RCBTB2: variants seen among roughly 807,000 people sequenced by gnomAD.
RCBTB2 encodes RCC1 and BTB domain containing protein 2.
Under a neutral mutation model 65.4 loss-of-function variants are expected in RCBTB2, and 55 were observed. That is an observed-to-expected ratio of 0.84 (90% confidence interval 0.68 to 1.05). The LOEUF is 1.05. Ranked by LOEUF, RCBTB2 falls within the 50% of genes least tolerant of loss-of-function variation. The pLI, the probability that RCBTB2 is intolerant of heterozygous loss-of-function variation, is 0.00. For missense variants in RCBTB2, 599 were observed against 680.1 expected (o/e 0.88, Z 1.33); for synonymous variants, 220 against 255.2 (o/e 0.86, Z 1.31).
intron 14 of RCBTB2, chr13:48,491,535 C>T (rs1329111450): frequency 6.6e-6 from 1 of 152,172 alleles, no homozygotes; most frequent in Non-Finnish European, 1.5e-5. Flanking sequence ...AAATTATGTG[C>T]TGTTGCTTAA....
At chr13:48,532,382 G>C (rs906493979) in intron 1 of RCBTB2, 1 of 152,416 alleles carries the variant, frequency 6.6e-6, no homozygotes, top group Non-Finnish European at 1.5e-5. Context: ...AGGACCAAAT[G>C]TCGAAAGCAT....
chr13:48,533,568 T>C (rs762494909), upstream of RCBTB2, among the ~76,000 whole-genome samples: 4 of 152,210 alleles, frequency 2.6e-5, no homozygotes, highest in Non-Finnish European at 5.9e-5. Context: ...GGAAGTCTTG[T>C]AGCCCCCTGT....
intron 10 of RCBTB2, 152 bp downstream of exon 10, chr13:48,510,477 T>G: frequency 1.0e-6 from 1 of 972,856 alleles, no homozygotes; most frequent in Middle Eastern, 3.5e-4. Flanking sequence ...CCCCAACAAT[T>G]CCAAAGCCAA....
chr13:48,502,728 G>A lies in RCBTB2; in HGVS notation c.1113C>T (p.Ser371=), dbSNP rs141051136. Residue 371 remains serine (S), a synonymous_variant, in exon 11 of 15, where the codon TCC becomes TCT. Transcript: ENST00000344532. Reference sequence around the variant, plus strand: ...AATGGACAGTGACCAGCTTACCCACGGAGAGGAGGCGCCACGTGACGGCGG... The same window carrying A: ...AATGGACAGTGACCAGCTTACCCACAGAGAGGAGGCGCCACGTGACGGCGG... ...ATPAVTWRLL[S]VEPDDHLTVA... The A allele has an allele frequency of 2.3e-4, 370 of 1,609,748 alleles. 2 individuals are homozygous for A. The African/African-American group carries it at 4.0e-3, about 17-fold the overall frequency.
At chr13:48,535,188 C>T (rs1952347547), upstream of RCBTB2, among the ~76,000 whole-genome samples, 1 of 151,994 alleles carries the variant, frequency 6.6e-6, no homozygotes, top group Non-Finnish European at 1.5e-5. Flanking sequence ...TCTCTGGTCT[C>T]TTCCAAAATG....
chr13:48,502,009 C>T lies in RCBTB2; in HGVS notation c.1118-141G>A, dbSNP rs190532004. 7 of 562,040 alleles carry T rather than the reference C, an allele frequency of 1.2e-5. 1 individual carries two copies. The East Asian group carries it at 2.2e-4, about 18-fold the overall frequency. The allele number at this position is 562,040 out of a possible 1,614,324, so 34.8% of individuals were successfully genotyped here. A position where few individuals can be genotyped will look rare whatever the true frequency, so the allele number is the denominator to read the frequency against. On this transcript the variant is annotated intron_variant, in intron 11 of 14. Coordinates refer to ENST00000344532, the MANE Select transcript of RCBTB2 (RefSeq NM_001268.4). Reference sequence around the variant, plus strand: ...GAGCAACTGAGCAATGGATTTTTTCCCCTGAAGACAGATTTGCATCTCTGT... The same window carrying T: ...GAGCAACTGAGCAATGGATTTTTTCTCCTGAAGACAGATTTGCATCTCTGT...
At position 48,524,483 on chromosome 13, in the gene RCBTB2, T is replaced by A. The variant is rs551824337; in HGVS notation, c.-120+176A>T. ...CACATTTCAGTAACGTGACCAATAGTCACCAACCAATCAGTGTCAGAGCCA... is the reference window on the plus strand; with the variant it reads ...CACATTTCAGTAACGTGACCAATAGACACCAACCAATCAGTGTCAGAGCCA... On this transcript the variant is annotated intron_variant, in intron 2 of 14. Transcript: ENST00000344532. Among the ~76,000 whole-genome samples, 14 of 152,362 alleles carry A rather than the reference T, an allele frequency of 9.2e-5. No homozygotes were observed. In the South Asian group the frequency reaches 2.9e-3, roughly 32 times the overall value.
chr13:48,503,012 A>T, intron 10 of RCBTB2, 98 bp from the exon 11 acceptor site: 1 of 1,299,348 alleles, frequency 7.7e-7, no homozygotes, highest in South Asian at 1.7e-5. Context: ...GACATCATAA[A>T]ATTACAAAAA....
chr13:48,492,222 G>A (rs1949726991), intron 14 of RCBTB2, among the ~76,000 whole-genome samples: 2 of 152,122 alleles, frequency 1.3e-5, no homozygotes, highest in Admixed American at 6.6e-5. Flanking sequence ...GCCTATTACA[G>A]AGAGGCCTGT....
At chr13:48,514,654 G>A (rs570897034) in intron 6 of RCBTB2, among the ~76,000 whole-genome samples, 3 of 152,322 alleles carry the variant, frequency 2.0e-5, no homozygotes, top group Admixed American at 2.0e-4. Context: ...TTCAAGGGTT[G>A]AGATTTCTTG....
intron 2 of RCBTB2, among the ~76,000 whole-genome samples, chr13:48,524,268 C>T (rs1951585770): frequency 6.6e-6 from 1 of 152,138 alleles, no homozygotes; most frequent in African/African-American, 2.4e-5. Flanking sequence ...GATATATATA[C>T]TTAAAATAAC....
chr13:48,511,279 G>A (rs2148515), intron 9 of RCBTB2, among the ~76,000 whole-genome samples: 24,640 of 151,962 alleles, frequency 0.16, 5,283 homozygotes, highest in African/African-American at 0.5. Flanking sequence ...AGTTTTCCAT[G>A]TCATTAAAAA....
intron 4 of RCBTB2, among the ~76,000 whole-genome samples, chr13:48,520,830 T>C (rs528338137): frequency 6.6e-6 from 1 of 150,898 alleles, no homozygotes; most frequent in Non-Finnish European, 1.5e-5. Flanking sequence ...ACGTTAGGCA[T>C]ACCTAGCAAA....
chr13:48,512,984 C>G, intron 6 of RCBTB2, 89 bp from the exon 7 acceptor site: 1 of 1,119,504 alleles, frequency 8.9e-7, no homozygotes, highest in Non-Finnish European at 1.3e-6. Flanking sequence ...CAAATGAAAT[C>G]TAAAAATTCA....
intron 2 of RCBTB2, among the ~76,000 whole-genome samples, chr13:48,522,677 T>C (rs1432491554): frequency 1.3e-5 from 2 of 152,178 alleles, no homozygotes; most frequent in African/African-American, 4.8e-5. Context: ...TAAAAATAAA[T>C]AAAAATAAAA....
At chr13:48,523,990 A>T (rs907889126) in intron 2 of RCBTB2, among the ~76,000 whole-genome samples, 1 of 152,204 alleles carries the variant, frequency 6.6e-6, no homozygotes, top group Non-Finnish European at 1.5e-5. Flanking sequence ...TAAGATTAAC[A>T]TAATTTCATA....
At position 48,527,547 on chromosome 13, in the gene RCBTB2, C is replaced by T. The variant is rs184185332; in HGVS notation, c.-218-2790G>A. On this transcript the variant is annotated intron_variant, in intron 1 of 14. Transcript: ENST00000344532. ...AATGGAATGATAAGTAACCTCTCCACGCAGAAGTTCCTGCCACTGATCTCT... is the reference window on the plus strand; with the variant it reads ...AATGGAATGATAAGTAACCTCTCCATGCAGAAGTTCCTGCCACTGATCTCT... Among the ~76,000 whole-genome samples the T allele has an allele frequency of 9.9e-5, 15 of 151,974 alleles. No homozygotes were observed. In the East Asian group the frequency reaches 2.3e-3, roughly 23 times the overall value.
rs758401978 is a variant in RCBTB2, at chr13:48,512,829, C to G, written c.416G>C (p.Gly139Ala). Residue 139 changes from glycine to alanine, a missense_variant, in exon 7 of 15, where the codon GGT (glycine) becomes GCT (alanine). Coordinates refer to ENST00000344532, the MANE Select transcript of RCBTB2 (RefSeq NM_001268.4). ...SQLGNGTTNH[G>A]LVPCHISTNL... ...AGTAGAGATATGACAGGGCACTAAA[C>G]CATGATTAGTTGTCCCATTGCCCAG... 5.0e-6 allele frequency: 8 copies of G among 1,613,840 alleles called. No individual in the cohort carries two copies. The highest frequency in any genetic ancestry group is 6.8e-6 in the Non-Finnish European group (8 of 1,179,858).
upstream of RCBTB2, chr13:48,533,211 C>A: frequency 3.0e-6 from 1 of 338,068 alleles, no homozygotes; most frequent in Non-Finnish European, 5.9e-6. Flanking sequence ...GGGCTGGCGA[C>A]GGCGTCTCGC....
Sources: allele counts gnomAD v4.1 joint callset (sites outside exome capture counted in the v4.1 genomes callset), GRCh38; gene constraint gnomAD v4.1.1; transcripts MANE v1.5; gene names NCBI Gene and HGNC (gene_info 2026-07-23, HGNC 2026-07-21).